Variants in PCDHGB3 observed in about 807,000 individuals in gnomAD.
The protein encoded by PCDHGB3 is protocadherin gamma-B3.
PCDHGB3 carries 40 observed loss-of-function variants against 59.2 expected under a neutral mutation model. The ratio of observed to expected loss-of-function variants is 0.68; its 90% CI spans 0.52 to 0.88. PCDHGB3 has a LOEUF of 0.88. PCDHGB3 is among the 40% of genes least tolerant of loss of function. PCDHGB3 has a pLI of 0.00. For missense variants in PCDHGB3, 1,309 were observed against 1,187.9 expected, an observed-to-expected ratio of 1.10 and a Z score of -1.50; for synonymous variants, 581 against 503.6, an observed-to-expected ratio of 1.15 and a Z score of -2.06.
At chr5:141,430,680 C>G (rs990086941) in intron 1 of PCDHGB3, 8 of 1,343,124 alleles carry the variant, frequency 6.0e-6, no homozygotes, top group Non-Finnish European at 8.0e-6. Context: ...TCCCAACTGT[C>G]CCATTCTATG....
At chr5:141,376,678 T>C in intron 1 of PCDHGB3, 2 of 277,706 alleles carry the variant, frequency 7.2e-6, no homozygotes, top group East Asian at 7.3e-5. Flanking sequence ...AGGGTATCGT[T>C]TTTTTTTTTT....
chr5:141,494,742 G>A (rs1223104681), intron 1 of PCDHGB3, 65 bp from the exon 2 acceptor site: 10 of 1,611,946 alleles, frequency 6.2e-6, no homozygotes, highest in Non-Finnish European at 8.5e-6. Context: ...CCCATCCCTA[G>A]GGGCTCGGGT....
In PCDHGB3 at chr5:141,370,647, C is replaced by T; in HGVS notation, c.253C>T (p.Leu85Phe). 1 of 1,613,884 alleles carries T rather than the reference C, an allele frequency of 6.2e-7. No homozygotes were observed. Among genetic ancestry groups the T allele is most frequent in the African/African-American group, 1.3e-5 (1 of 75,034 alleles). The stretch of plus-strand genomic sequence containing the variant: ...CGTGAGCCCCGAAAATGGGAACTTA[C>T]TTGTGAGCGACCGTATAGACCGAGA... ...FTVSPENGNL[L>F]VSDRIDREEI... Residue 85 changes from leucine (L) to phenylalanine (F), a missense_variant, in exon 1 of 4, where the codon CTT becomes TTT. Coordinates refer to ENST00000576222, the MANE Select transcript of PCDHGB3 (RefSeq NM_018924.5).
intron 1 of PCDHGB3, chr5:141,373,987 G>C: frequency 8.3e-7 from 1 of 1,199,482 alleles, no homozygotes; most frequent in South Asian, 2.3e-5. Flanking sequence ...GTCTCTGCTT[G>C]TTGAAGGACC....
At chr5:141,451,004 T>A (rs2098704048) in intron 1 of PCDHGB3, among the ~76,000 whole-genome samples, 1 of 151,474 alleles carries the variant, frequency 6.6e-6, no homozygotes, top group South Asian at 2.1e-4. Flanking sequence ...TTTTTGTATT[T>A]TTTTTAGTAG....
chr5:141,410,847 G>GTATTTTTTT, intron 1 of PCDHGB3: 1 of 158,252 alleles, frequency 6.3e-6, no homozygotes, highest in African/African-American at 8.4e-5. Context: ...TTTTGTCTTT[G>GTATTTTTTT]TCTTTTTTTT....
At position 141,437,148 on chromosome 5, in the gene PCDHGB3, A is replaced by T. The variant is rs1196014608; in HGVS notation, c.2416-57659A>T. ...GTTGATAATTTAGGATTCATAATTA[A>T]CATATGTGTTGATTGTTTTCTGAGA... is the stretch of plus-strand genomic sequence containing the variant. On this transcript the variant is annotated intron_variant, in intron 1 of 3. Coordinates refer to ENST00000576222, the MANE Select transcript of PCDHGB3 (RefSeq NM_018924.5). Among the ~76,000 whole-genome samples the T allele has an allele frequency of 2.0e-5, 3 of 152,214 alleles. No individual in the cohort carries two copies. In the East Asian group the frequency reaches 5.8e-4, roughly 29 times the overall value.
At chr5:141,422,690 T>C (rs1384522137) in intron 1 of PCDHGB3, 1 of 1,603,790 alleles carries the variant, frequency 6.2e-7, no homozygotes, top group African/African-American at 1.3e-5. Flanking sequence ...AATGCCCTGG[T>C]CACTTACTCT....
Position 141,408,894 on chromosome 5 carries a change from C to T in PCDHGB3, c.2415+36085C>T, listed in dbSNP as rs778126197. 71 of 1,613,186 alleles carry T rather than the reference C, an allele frequency of 4.4e-5. No homozygotes were observed. The Middle Eastern group carries it at 4.9e-4, about 11-fold the overall frequency. ...AGTGCCACCGCTCACATAGAAATTT[C>T]TGTCAAGGATACCAATGATAACCCC... On this transcript the variant is annotated intron_variant, in intron 1 of 3. Transcript: ENST00000576222.
At chr5:141,443,447 C>T (rs1267862519) in intron 1 of PCDHGB3, among the ~76,000 whole-genome samples, 1 of 152,184 alleles carries the variant, frequency 6.6e-6, no homozygotes, top group African/African-American at 2.4e-5. Flanking sequence ...GGTTGCGCTC[C>T]TGTACTCCAG....
chr5:141,385,513 A>C (rs1781236036), intron 1 of PCDHGB3: 1 of 1,373,372 alleles, frequency 7.3e-7, no homozygotes, highest in Non-Finnish European at 9.4e-7. Flanking sequence ...CTTTAGTGAA[A>C]GCCTATGGAC....
chr5:141,405,901 G>A (rs954255473), intron 1 of PCDHGB3, among the ~76,000 whole-genome samples: 1 of 152,092 alleles, frequency 6.6e-6, no homozygotes, highest in Non-Finnish European at 1.5e-5. Context: ...ACTGAAAGGA[G>A]GCATTTATTA....
chr5:141,489,191 T>C lies in PCDHGB3; in HGVS notation c.2416-5616T>C. On this transcript the variant is annotated intron_variant, in intron 1 of 3. Coordinates refer to ENST00000576222, the MANE Select transcript of PCDHGB3 (RefSeq NM_018924.5). The surrounding 1 kb of genome is among the most constrained non-coding windows in gnomAD (Gnocchi z 4.5). ...CTGCATTCCAAGCCCTGGGTCTACC[T>C]TGGAGACAGGACAGCACAGACTTAC... The C allele has an allele frequency of 7.3e-7, 1 of 1,364,400 alleles. No homozygotes were observed. Among genetic ancestry groups the C allele is most frequent in the Middle Eastern group, 1.9e-4 (1 of 5,334 alleles). The allele number at this position is 1,364,400 out of a possible 1,614,324, so 84.5% of individuals were successfully genotyped here. A position where few individuals can be genotyped will look rare whatever the true frequency, so the allele number is the denominator to read the frequency against.
At chr5:141,449,273 C>T (rs1168190907) in intron 1 of PCDHGB3, among the ~76,000 whole-genome samples, 1 of 151,982 alleles carries the variant, frequency 6.6e-6, no homozygotes, top group Non-Finnish European at 1.5e-5. Flanking sequence ...ACTGTATCTC[C>T]TTCACCCGGA....
chr5:141,470,652 C>T (rs923672818), intron 1 of PCDHGB3, among the ~76,000 whole-genome samples: 1 of 152,100 alleles, frequency 6.6e-6, no homozygotes, highest in African/African-American at 2.4e-5. Context: ...AAGGCCCCTA[C>T]CCTTTGGTTA....
intron 1 of PCDHGB3, among the ~76,000 whole-genome samples, chr5:141,492,802 G>A (rs1490284966): frequency 6.6e-6 from 1 of 152,234 alleles, no homozygotes; most frequent in Non-Finnish European, 1.5e-5. Flanking sequence ...GCAGGACTGG[G>A]ACTCCAGTGG....
intron 3 of PCDHGB3, among the ~76,000 whole-genome samples, chr5:141,506,198 C>T (rs985517638): frequency 3.3e-5 from 5 of 152,156 alleles, no homozygotes; most frequent in Admixed American, 6.5e-5. Context: ...CGCCTGTAAT[C>T]CCAGCACTTT....
Position 141,389,109 on chromosome 5 carries a change from G to A in PCDHGB3, c.2415+16300G>A, listed in dbSNP as rs144915863. On this transcript the variant is annotated intron_variant, in intron 1 of 3. Transcript: ENST00000576222. ...TAAATTAGTGACAGATGCTGTTCTA[G>A]ACCGCGAGCAGAATCCAGAGTACAA... 616 of 1,614,020 alleles carry A rather than the reference G, an allele frequency of 3.8e-4. 2 individuals are homozygous for A. The highest frequency in any genetic ancestry group is 1.2e-3 in the Middle Eastern group (7 of 6,062).
intron 1 of PCDHGB3, among the ~76,000 whole-genome samples, chr5:141,436,793 C>A (rs752376420): frequency 6.6e-6 from 1 of 152,178 alleles, no homozygotes; most frequent in Non-Finnish European, 1.5e-5. Context: ...TAAAACTGTT[C>A]TAAAATTTTT....
Sources: gnomAD v4.1 joint callset for allele counts (sites outside exome capture counted in the v4.1 genomes callset) on GRCh38, gnomAD v4.1.1 for gene constraint, Gnocchi (gnomAD v3.1) non-coding constraint, MANE v1.5 for transcripts, NCBI Gene and HGNC (gene_info 2026-07-23, HGNC 2026-07-21) for gene names.